The following CMIP variants were observed in gnomAD, a reference collection of about 807,000 sequenced individuals.
CMIP encodes C-Maf-inducing protein.
A neutral mutation model predicts 97.3 loss-of-function variants in CMIP; 13 were observed. The observed-to-expected ratio is 0.13, with a 90% CI of 0.09 to 0.21. The LOEUF (loss-of-function observed/expected upper bound fraction) is 0.21, where lower values mean the gene tolerates loss of function less well. Among genes scored for constraint, CMIP ranks in the 10% least tolerant of loss-of-function variants. CMIP has a pLI of 1.00. For missense variants in CMIP, 847 were observed against 1,024.9 expected, an observed-to-expected ratio of 0.83 and a Z score of 2.37; for synonymous variants, 538 against 436.3, an observed-to-expected ratio of 1.23 and a Z score of -2.91.
At chr16:81,610,492 A>G in intron 2 of CMIP, 1 of 985,610 alleles carries the variant, frequency 1.0e-6, no homozygotes, top group Non-Finnish European at 1.2e-6. Context: ...CGAGCTAATG[A>G]GGGAGCAGCA....
chr16:81,539,241 A>G (rs1011663072), intron 1 of CMIP, among the ~76,000 whole-genome samples: 2 of 152,166 alleles, frequency 1.3e-5, no homozygotes, highest in African/African-American at 2.4e-5. Flanking sequence ...GCACAGAAAA[A>G]CATTTTGGGA....
chr16:81,560,412 G>C (rs2090858902), intron 1 of CMIP, among the ~76,000 whole-genome samples: 1 of 151,986 alleles, frequency 6.6e-6, no homozygotes, highest in Non-Finnish European at 1.5e-5. Flanking sequence ...TAGAGATGGG[G>C]TTTCACCGTG....
intron 1 of CMIP, among the ~76,000 whole-genome samples, chr16:81,509,579 C>T (rs1470963054): frequency 6.6e-6 from 1 of 152,206 alleles, no homozygotes; most frequent in African/African-American, 2.4e-5. Context: ...GGCTGTCTTT[C>T]CCTTCCGCCC....
chr16:81,486,639 C>T (rs1321677299), intron 1 of CMIP, among the ~76,000 whole-genome samples: 1 of 152,128 alleles, frequency 6.6e-6, no homozygotes, highest in Non-Finnish European at 1.5e-5. Context: ...TGGAGTGGGC[C>T]GGCCCATTGC....
chr16:81,707,675 G>A (rs990888892), intron 20 of CMIP, among the ~76,000 whole-genome samples: 2 of 152,250 alleles, frequency 1.3e-5, no homozygotes, highest in Non-Finnish European at 2.9e-5. Flanking sequence ...AAAAAGGATC[G>A]GAGGGTGGAA....
intron 7 of CMIP, among the ~76,000 whole-genome samples, chr16:81,667,500 G>A (rs757704963): frequency 3.7e-4 from 56 of 152,248 alleles, no homozygotes; most frequent in Non-Finnish European, 6.5e-4. Context: ...GGATCCCTCT[G>A]TAAATGTTTA....
At position 81,578,967 on chromosome 16, in the gene CMIP, T is replaced by C. The variant is rs577747679; in HGVS notation, c.301-28600T>C. Among the ~76,000 whole-genome samples, 3 of 152,360 alleles carry C rather than the reference T, an allele frequency of 2.0e-5. No individual in the cohort carries two copies. The South Asian group carries it at 6.2e-4, about 32-fold the overall frequency. On this transcript the variant is annotated intron_variant, in intron 1 of 20. Coordinates refer to ENST00000537098, the MANE Select transcript of CMIP (RefSeq NM_198390.3). ...GGAGACAGCAGAGGGAACACTGGAC[T>C]AAGAGTCAGGAGACACAGTTCCAGA...
intron 10 of CMIP, among the ~76,000 whole-genome samples, chr16:81,688,522 C>G (rs998933366): frequency 1.1e-4 from 16 of 152,216 alleles, no homozygotes; most frequent in Admixed American, 9.2e-4. Flanking sequence ...GTTAGTCACA[C>G]TGACTTTATT....
chr16:81,650,354 A>G (rs143369072), intron 3 of CMIP, among the ~76,000 whole-genome samples: 1,709 of 152,282 alleles, frequency 0.011, 23 homozygotes, highest in Middle Eastern at 0.041. Flanking sequence ...ATGGGCAAAG[A>G]ATAGTAAGAC....
At position 81,699,669 on chromosome 16, in the gene CMIP, C is replaced by T. The variant is rs373996785; in HGVS notation, c.1639-16C>T. ...GGGTGTCTCTGTCCCTTCACCTGGG[C>T]CTTCTTGCCTCACAGGTGCACATCC... On this transcript the variant is annotated splice_polypyrimidine_tract_variant and intron_variant, in intron 14 of 20. Coordinates refer to ENST00000537098, the MANE Select transcript of CMIP (RefSeq NM_198390.3). 6.5e-7 allele frequency: 1 copy of T among 1,549,234 alleles called. No homozygotes were observed. Among genetic ancestry groups the T allele is most frequent in the Non-Finnish European group, 8.9e-7 (1 of 1,122,784 alleles).
chr16:81,463,433 T>C (rs1266704678), intron 1 of CMIP, among the ~76,000 whole-genome samples: 2 of 152,218 alleles, frequency 1.3e-5, no homozygotes. Context: ...AGTTGAACTT[T>C]CCCTTTTGTT....
chr16:81,532,747 C>A (rs2090263849), intron 1 of CMIP, among the ~76,000 whole-genome samples: 1 of 152,126 alleles, frequency 6.6e-6, no homozygotes, highest in Non-Finnish European at 1.5e-5. Flanking sequence ...GGTGTGACTC[C>A]CTGGGATGCA....
chr16:81,650,121 G>A (rs1437066674), intron 3 of CMIP, among the ~76,000 whole-genome samples: 2 of 152,146 alleles, frequency 1.3e-5, no homozygotes, highest in Non-Finnish European at 2.9e-5. Flanking sequence ...TGTCACCATC[G>A]TCAACATCAA....
intron 1 of CMIP, among the ~76,000 whole-genome samples, chr16:81,484,953 C>CTT (rs148346622): frequency 5.3e-5 from 8 of 151,424 alleles, no homozygotes; most frequent in Non-Finnish European, 7.4e-5. Context: ...CTGAAAACCT[C>CTT]TTTTTTTTTC....
chr16:81,683,756 CTTTTTT>C (rs71272426), intron 10 of CMIP, among the ~76,000 whole-genome samples: 2 of 81,610 alleles, frequency 2.5e-5, no homozygotes, highest in African/African-American at 1.0e-4. Context: ...TTTTCTTTTT[CTTTTTT>C]TTTTTTTTTT....
chr16:81,528,103 A>T (rs2090166375), intron 1 of CMIP, among the ~76,000 whole-genome samples: 1 of 152,176 alleles, frequency 6.6e-6, no homozygotes, highest in African/African-American at 2.4e-5. Flanking sequence ...TCAGTCTTTT[A>T]AATTTTAGCC....
chr16:81,540,677 TGTGTG>T (rs2090432658), intron 1 of CMIP, among the ~76,000 whole-genome samples: 1 of 150,424 alleles, frequency 6.6e-6, no homozygotes, highest in African/African-American at 2.4e-5. Context: ...TGTGTGTGTG[TGTGTG>T]TGTTTGTTTT....
intron 1 of CMIP, among the ~76,000 whole-genome samples, chr16:81,484,701 A>G (rs1329557458): frequency 6.6e-6 from 1 of 152,150 alleles, no homozygotes; most frequent in Non-Finnish European, 1.5e-5. Flanking sequence ...CGATGGAAAC[A>G]TTGTGCGCAT....
chr16:81,651,302 C>A (rs2092426032), intron 3 of CMIP: 3 of 365,566 alleles, frequency 8.2e-6, no homozygotes, highest in South Asian at 1.1e-4. Context: ...TGGCCCAGAC[C>A]TCCGCCTTCC....
Sources: allele counts gnomAD v4.1 joint callset (sites outside exome capture counted in the v4.1 genomes callset), GRCh38; gene constraint gnomAD v4.1.1; transcripts MANE v1.5; gene names NCBI Gene and HGNC (gene_info 2026-07-23, HGNC 2026-07-21).